APBB2: variants seen among roughly 807,000 people sequenced by gnomAD.
APBB2 encodes the protein amyloid beta precursor protein binding family B member 2.
Under a neutral mutation model 82.5 loss-of-function variants are expected in APBB2, and 38 were observed. The ratio of observed to expected loss-of-function variants is 0.46; its 90% CI spans 0.36 to 0.60. The LOEUF is 0.60. Ranked by LOEUF, APBB2 falls within the 20% of genes least tolerant of loss-of-function variation. APBB2 has a pLI of 0.00. For synonymous variants in APBB2, 341 were observed against 368.2 expected, an observed-to-expected ratio of 0.93 and a Z score of 0.85; for missense variants, 772 against 972.3, an observed-to-expected ratio of 0.79 and a Z score of 2.74.
chr4:41,087,047 G>C (rs897609165), intron 3 of APBB2, among the ~76,000 whole-genome samples: 36 of 152,306 alleles, frequency 2.4e-4, no homozygotes, highest in African/African-American at 8.2e-4. Context: ...CGCTGAGGCG[G>C]GAGGATCACT....
rs537059890 is a variant in APBB2 at position 40,861,076 on chromosome 4, T to C, written c.1529+29288A>G. Among the ~76,000 whole-genome samples the C allele has an allele frequency of 2.0e-5, 3 of 152,248 alleles. No individual in the cohort carries two copies. The South Asian group carries it at 6.2e-4, about 32-fold the overall frequency. ...AAAAAATTTTAAACATTAGGCCAGG[T>C]GTGGTGGCTCACGCCTGTAATCACA... On this transcript the variant is annotated intron_variant, in intron 12 of 17. Transcript: ENST00000508593.
chr4:40,959,083 A>G (rs1027370872), intron 6 of APBB2, among the ~76,000 whole-genome samples: 2 of 152,220 alleles, frequency 1.3e-5, no homozygotes, highest in African/African-American at 2.4e-5. Context: ...AAGACTACCT[A>G]GTCACTCGTC....
chr4:41,166,077 T>C (rs1766497706), intron 1 of APBB2, among the ~76,000 whole-genome samples: 1 of 151,314 alleles, frequency 6.6e-6, no homozygotes, highest in East Asian at 2.0e-4. Flanking sequence ...GGTTTCACCA[T>C]GTTAGCCAGG....
At chr4:41,137,780 G>A (rs1757986080) in intron 2 of APBB2, among the ~76,000 whole-genome samples, 1 of 151,968 alleles carries the variant, frequency 6.6e-6, no homozygotes, top group African/African-American at 2.4e-5. Context: ...ATGGTGCTAA[G>A]ACCTATATGC....
chr4:41,018,354 C>A (rs570421150), intron 5 of APBB2, among the ~76,000 whole-genome samples: 1 of 152,036 alleles, frequency 6.6e-6, no homozygotes, highest in African/African-American at 2.4e-5. Flanking sequence ...CAGAGGGTGA[C>A]GGGTGGGCAG....
chr4:40,963,134 T>A (rs1357075262), intron 6 of APBB2, among the ~76,000 whole-genome samples: 2 of 152,230 alleles, frequency 1.3e-5, no homozygotes, highest in African/African-American at 4.8e-5. Flanking sequence ...TCTTTCTGGA[T>A]CTACTGGTAG....
At chr4:41,052,724 A>T (rs1200515322) in intron 4 of APBB2, among the ~76,000 whole-genome samples, 1 of 151,690 alleles carries the variant, frequency 6.6e-6, no homozygotes. Flanking sequence ...TCTTGGGGTT[A>T]TACAGTGTTT....
chr4:40,818,166 C>T (rs747337207), intron 17 of APBB2, among the ~76,000 whole-genome samples: 6 of 152,128 alleles, frequency 3.9e-5, no homozygotes, highest in East Asian at 1.9e-4. Flanking sequence ...AATTCACATA[C>T]GGACCATTCA....
chr4:40,817,930 G>A (rs890895388), intron 17 of APBB2, among the ~76,000 whole-genome samples: 2 of 152,210 alleles, frequency 1.3e-5, no homozygotes, highest in East Asian at 3.9e-4. Flanking sequence ...ATTTATACAT[G>A]GCAACATGGG....
chr4:40,912,305 A>G (rs1017793176), intron 10 of APBB2, among the ~76,000 whole-genome samples: 25 of 152,288 alleles, frequency 1.6e-4, no homozygotes, highest in Non-Finnish European at 3.2e-4. Context: ...ATGGCTGGGC[A>G]CGGTGGCTCA....
intron 12 of APBB2, among the ~76,000 whole-genome samples, chr4:40,846,839 T>A (rs1464957729): frequency 6.6e-6 from 1 of 152,120 alleles, no homozygotes; most frequent in African/African-American, 2.4e-5. Context: ...AAAGGATATT[T>A]AAAAGCAACC....
At chr4:40,940,565 A>G (rs1240246363) in intron 7 of APBB2, among the ~76,000 whole-genome samples, 1 of 152,216 alleles carries the variant, frequency 6.6e-6, no homozygotes, top group Non-Finnish European at 1.5e-5. Context: ...TCTTATTTCT[A>G]CATGTATATG....
At chr4:41,103,367 A>G (rs187518856) in intron 2 of APBB2, among the ~76,000 whole-genome samples, 1 of 152,204 alleles carries the variant, frequency 6.6e-6, no homozygotes, top group Non-Finnish European at 1.5e-5. Flanking sequence ...ATTACTTTTC[A>G]TTCTTAAAAA....
At chr4:41,000,960 G>T (rs747724563) in intron 6 of APBB2, among the ~76,000 whole-genome samples, 33 of 152,330 alleles carry the variant, frequency 2.2e-4, no homozygotes, top group Non-Finnish European at 4.3e-4. Flanking sequence ...TGGAGAAAGG[G>T]AAGAGCACAG....
At chr4:40,861,592 T>A (rs900963636) in intron 12 of APBB2, among the ~76,000 whole-genome samples, 1 of 152,192 alleles carries the variant, frequency 6.6e-6, no homozygotes, top group Non-Finnish European at 1.5e-5. Context: ...AGGATATCTA[T>A]GTTAGATAAA....
chr4:41,059,828 A>G (rs761389512), intron 4 of APBB2, among the ~76,000 whole-genome samples: 1 of 146,028 alleles, frequency 6.8e-6, no homozygotes. Flanking sequence ...TCACACCTCT[A>G]TATTTCTGTG....
intron 2 of APBB2, among the ~76,000 whole-genome samples, chr4:41,134,730 C>CTCCCATAAGATACTGAGAAAGTGCTTAG (rs1757097981): frequency 2.0e-5 from 3 of 152,184 alleles, no homozygotes; most frequent in Non-Finnish European, 4.4e-5. Context: ...CCTTGAGCCA[C>CTCCCATAAGATACTGAGAAAGTGCTTAG]TCCCATAAGA....
chr4:41,110,603 CAAAA>C (rs33958550), intron 2 of APBB2, among the ~76,000 whole-genome samples: 4 of 111,670 alleles, frequency 3.6e-5, no homozygotes, highest in Non-Finnish European at 1.9e-5. Context: ...GACTCTGTCT[CAAAA>C]AAAAAAAAAA....
rs556847328 is a variant in APBB2 at position 41,166,175 on chromosome 4, C to T, written c.-416-23033G>A. On this transcript the variant is annotated intron_variant, in intron 1 of 17. Transcript: ENST00000508593. ...AGGGTCAGGCCCCCTTTTAAAAGTA[C>T]CCACTTTCTGCTCCAAAAGGGAAGC... Among the ~76,000 whole-genome samples the T allele has an allele frequency of 2.8e-4, 42 of 151,724 alleles. 2 individuals are homozygous for T. The highest frequency in any genetic ancestry group is 8.2e-4 in the African/African-American group (34 of 41,460).
Sources: gnomAD v4.1 joint callset for allele counts (sites outside exome capture counted in the v4.1 genomes callset) on GRCh38, gnomAD v4.1.1 for gene constraint, MANE v1.5 for transcripts, NCBI Gene and HGNC (gene_info 2026-07-23, HGNC 2026-07-21) for gene names.